Variants in HGSNAT observed in about 807,000 individuals in gnomAD.
HGSNAT encodes the protein heparan-alpha-glucosaminide N-acetyltransferase.
HGSNAT carries 59 observed loss-of-function variants against 85.2 expected under a neutral mutation model. The observed-to-expected ratio is 0.69, with a 90% CI of 0.56 to 0.86. The LOEUF is 0.86. Among genes scored for constraint, HGSNAT ranks in the 40% least tolerant of loss-of-function variants. The probability of loss-of-function intolerance (pLI) is 0.00; values close to 1 mark genes in which losing one functional copy is unlikely to be tolerated. For synonymous variants in HGSNAT, 321 were observed against 304.5 expected, an observed-to-expected ratio of 1.05 and a Z score of -0.56; for missense variants, 756 against 777.1, an observed-to-expected ratio of 0.97 and a Z score of 0.32.
chr8:43,171,027 C>T (rs904825547), intron 7 of HGSNAT, among the ~76,000 whole-genome samples: 1 of 152,120 alleles, frequency 6.6e-6, no homozygotes, highest in Non-Finnish European at 1.5e-5. Context: ...AGTAGCTTGA[C>T]GGCTCAGAAG....
At chr8:43,140,710 T>G in intron 1 of HGSNAT, 96 bp downstream of exon 1, 1 of 537,066 alleles carries the variant, frequency 1.9e-6, no homozygotes, top group Non-Finnish European at 2.5e-6. Context: ...CGCCGAGCGC[T>G]AGGCCGGGCC....
chr8:43,157,629 C>T (rs1803132583), intron 2 of HGSNAT, among the ~76,000 whole-genome samples: 1 of 151,914 alleles, frequency 6.6e-6, no homozygotes. Flanking sequence ...GTACAAAAAA[C>T]TAGCTGGGCG....
In HGSNAT at chr8:43,193,850, GTTCAT is replaced by G. The variant is rs1804623023; in HGVS notation, c.1464+14_1464+18del. On this transcript the variant is annotated splice_region_variant and intron_variant, in intron 14 of 17. Coordinates refer to ENST00000379644, the MANE Select transcript of HGSNAT (RefSeq NM_152419.3). ...GGCCTTTTTAGGAGTTCAGGTATTT[GTTCAT>G]TTCATTAGGTTACTTTTTCTGACAA... is the stretch of plus-strand genomic sequence containing the variant. 2 of 1,612,578 alleles carry G rather than the reference GTTCAT, an allele frequency of 1.2e-6. No individual in the cohort carries two copies. The highest frequency in any genetic ancestry group is 8.5e-7 in the Non-Finnish European group (1 of 1,178,878).
intron 17 of HGSNAT, among the ~76,000 whole-genome samples, chr8:43,198,280 CTTTTT>C (rs59416007): frequency 1.1e-5 from 1 of 90,332 alleles, no homozygotes; most frequent in Admixed American, 1.4e-4. Flanking sequence ...GTTTCTGGTT[CTTTTT>C]TTTTTTTTTT....
At chr8:43,184,284 C>G (rs1186437957) in intron 11 of HGSNAT, among the ~76,000 whole-genome samples, 2 of 152,082 alleles carry the variant, frequency 1.3e-5, no homozygotes, top group African/African-American at 2.4e-5. Context: ...TCTCCACATC[C>G]TCTCCAGCAC....
intron 15 of HGSNAT, chr8:43,197,450 G>A: frequency 1.7e-6 from 1 of 582,164 alleles, no homozygotes. Context: ...TAATCAGTAA[G>A]CTTACCCTCT....
At chr8:43,142,532 C>T (rs1001525261) in intron 1 of HGSNAT, among the ~76,000 whole-genome samples, 1 of 152,090 alleles carries the variant, frequency 6.6e-6, no homozygotes, top group African/African-American at 2.4e-5. Flanking sequence ...TGTCAAAATC[C>T]GCTGGCGTTA....
At chr8:43,197,627 A>G (rs753772734) in intron 15 of HGSNAT, 45 bp from the exon 16 acceptor site, 1 of 1,407,870 alleles carries the variant, frequency 7.1e-7, no homozygotes, top group Admixed American at 1.7e-5. Flanking sequence ...GTGTTTTCTG[A>G]GATAATAATA....
chr8:43,149,510 A>G (rs531536244), intron 2 of HGSNAT, among the ~76,000 whole-genome samples: 8 of 152,260 alleles, frequency 5.3e-5, no homozygotes, highest in Non-Finnish European at 7.3e-5. Flanking sequence ...CATCCTGGCT[A>G]GCACCGTGAA....
intron 17 of HGSNAT, among the ~76,000 whole-genome samples, chr8:43,198,717 C>T (rs1043142738): frequency 2.6e-5 from 4 of 152,090 alleles, no homozygotes; most frequent in African/African-American, 9.7e-5. Flanking sequence ...CAGTTCCAAC[C>T]GAGGACTTAG....
At position 43,140,548 on chromosome 8, in the gene HGSNAT, C is replaced by G. The variant is rs1263981719; in HGVS notation, c.52C>G (p.Leu18Val). Residue 18 changes from leucine (L) to valine (V), a missense_variant, in exon 1 of 18, where the codon CTG becomes GTG. Leu to Val is a conservative substitution (Grantham distance 32). Coordinates refer to ENST00000379644, the MANE Select transcript of HGSNAT (RefSeq NM_152419.3). ...CGCGCTGCTGCTGGCCGCGTCCGTG[C>G]TGAGCGCCGCGCTGCTGGCCCCCGG... ...LAALLLAASV[L>V]SAALLAPGGS... The G allele has an allele frequency of 5.1e-6, 6 of 1,179,440 alleles. No individual in the cohort carries two copies. Among genetic ancestry groups the G allele is most frequent in the Admixed American group, 4.3e-5 (1 of 23,086 alleles). 73.1% of individuals were successfully genotyped at this position (1,179,440 alleles called of 1,614,324 possible). A position where few individuals can be genotyped will look rare whatever the true frequency, so the allele number is the denominator to read the frequency against.
At position 43,170,566 on chromosome 8, in the gene HGSNAT, T is replaced by C; in HGVS notation, c.634-19T>C. The stretch of plus-strand genomic sequence containing the variant: ...CCTTAGCATTATGAGTTGTCATCTT[T>C]CTCCCTTTTTTTCTGAAGGAGCTGG... On this transcript the variant is annotated intron_variant, in intron 6 of 17. Coordinates refer to ENST00000379644, the MANE Select transcript of HGSNAT (RefSeq NM_152419.3). The C allele has an allele frequency of 1.3e-6, 2 of 1,551,640 alleles. No homozygotes were observed. Among genetic ancestry groups the C allele is most frequent in the South Asian group, 2.3e-5 (2 of 86,214 alleles).
rs1201340439 is a variant in HGSNAT at position 43,200,671 on chromosome 8, CAG to C, written c.*1106_*1107del. On this transcript the variant is annotated 3_prime_UTR_variant, in exon 18 of 18. Coordinates refer to ENST00000379644, the MANE Select transcript of HGSNAT (RefSeq NM_152419.3). ...TGTGAAATCGGGGACAAAGGACAAA[CAG>C]AGACACACGGCATTGTTCATGGGAG... 6.6e-6 allele frequency: 1 copy of C among 152,398 alleles called. No individual in the cohort carries two copies. Among genetic ancestry groups the C allele is most frequent in the Non-Finnish European group, 1.5e-5 (1 of 68,054 alleles). 9.4% of individuals were successfully genotyped at this position (152,398 alleles called of 1,614,324 possible).
chr8:43,183,199 C>T (rs1418325555), intron 11 of HGSNAT, among the ~76,000 whole-genome samples: 2 of 152,218 alleles, frequency 1.3e-5, no homozygotes, highest in Non-Finnish European at 2.9e-5. Context: ...CAGGGTCTCA[C>T]TCTGTTACCC....
intron 1 of HGSNAT, among the ~76,000 whole-genome samples, chr8:43,143,953 A>G (rs796504806): frequency 2.0e-5 from 3 of 152,252 alleles, no homozygotes; most frequent in African/African-American, 7.2e-5. Flanking sequence ...ATTAGAAATC[A>G]GCACAACTGA....
chr8:43,187,112 T>C (rs1409423374), intron 11 of HGSNAT, among the ~76,000 whole-genome samples: 1 of 152,226 alleles, frequency 6.6e-6, no homozygotes, highest in Non-Finnish European at 1.5e-5. Context: ...GAAGAATGTA[T>C]ATTCTGTTGA....
At position 43,201,076 on chromosome 8, in the gene HGSNAT, A is replaced by C. The variant is rs2130828999; in HGVS notation, c.*1507A>C. ...CGGCTTACCTCCACCAGATCTCCCC[A>C]GTTCTGTCTCCATCTTCTACCTGCA... On this transcript the variant is annotated 3_prime_UTR_variant, in exon 18 of 18. Transcript: ENST00000379644. The surrounding 1 kb of genome is among the most constrained non-coding windows in gnomAD (Gnocchi z 4.4). 1 of 152,444 alleles carries C rather than the reference A, an allele frequency of 6.6e-6. No individual in the cohort carries two copies. Among genetic ancestry groups the C allele is most frequent in the South Asian group, 2.1e-4 (1 of 4,804 alleles). 9.4% of individuals were successfully genotyped at this position (152,444 alleles called of 1,614,324 possible).
intron 11 of HGSNAT, among the ~76,000 whole-genome samples, chr8:43,183,956 G>A (rs890088652): frequency 2.6e-5 from 4 of 152,142 alleles, no homozygotes; most frequent in African/African-American, 9.7e-5. Flanking sequence ...CCCTACAAAG[G>A]ACATGAATTC....
At chr8:43,149,380 T>A (rs1041335118) in intron 2 of HGSNAT, among the ~76,000 whole-genome samples, 6 of 152,162 alleles carry the variant, frequency 3.9e-5, no homozygotes, top group African/African-American at 1.2e-4. Context: ...CATAAACTTT[T>A]AAATTTTGAA....
Sources: allele counts gnomAD v4.1 joint callset (sites outside exome capture counted in the v4.1 genomes callset), GRCh38; gene constraint gnomAD v4.1.1; non-coding constraint Gnocchi (gnomAD v3.1); transcripts MANE v1.5; gene names NCBI Gene and HGNC (gene_info 2026-07-23, HGNC 2026-07-21).